The following CHCHD3 variants were observed in gnomAD, a reference collection of about 807,000 sequenced individuals.
CHCHD3 encodes the protein MICOS complex subunit MIC19.
In CHCHD3, 20 loss-of-function variants were observed where a neutral mutation model predicts 38.2. That is an observed-to-expected ratio of 0.52 (90% CI 0.37 to 0.76). The LOEUF is 0.76. CHCHD3 is among the 30% of genes least tolerant of loss of function. The pLI, the probability that CHCHD3 is intolerant of heterozygous loss-of-function variation, is 0.00. For missense variants in CHCHD3, 245 were observed against 279.2 expected (o/e 0.88, Z 0.87); for synonymous variants, 82 against 100.0 (o/e 0.82, Z 1.07).
chr7:132,887,196 A>T (rs1809239803), intron 4 of CHCHD3, among the ~76,000 whole-genome samples: 1 of 151,980 alleles, frequency 6.6e-6, no homozygotes. Context: ...ATTTCAATGA[A>T]AAGTACATGC....
At chr7:132,963,960 T>C (rs974917327) in intron 4 of CHCHD3, among the ~76,000 whole-genome samples, 3 of 152,252 alleles carry the variant, frequency 2.0e-5, no homozygotes, top group African/African-American at 7.2e-5. Flanking sequence ...GTTTCCTTTT[T>C]TGTTTGTTTA....
At chr7:132,979,429 C>T (rs1287891730) in intron 3 of CHCHD3, among the ~76,000 whole-genome samples, 1 of 152,188 alleles carries the variant, frequency 6.6e-6, no homozygotes, top group East Asian at 1.9e-4. Flanking sequence ...GCAAGAGACA[C>T]AGTCCCTACT....
chr7:132,960,821 A>G (rs747208966), intron 4 of CHCHD3, among the ~76,000 whole-genome samples: 2 of 152,086 alleles, frequency 1.3e-5, no homozygotes, highest in South Asian at 4.1e-4. Flanking sequence ...TACTAAAAAT[A>G]CAAAAAATTC....
rs148116936 is a variant in CHCHD3, at chr7:132,990,081, A to C, written c.252-14795T>G. 5.7e-3 allele frequency among the ~76,000 whole-genome samples: 860 copies of C among 152,128 alleles called. 5 individuals carry two copies. Among genetic ancestry groups the C allele is most frequent in the African/African-American group, 0.02 (821 of 41,470 alleles). On this transcript the variant is annotated intron_variant, in intron 3 of 7. Transcript: ENST00000262570. ...CCAGCTACTGGAGAGGCTGAGGCAGAAGAATCTCTTGAACCCAGGAGGCAG... is the reference window on the plus strand; with the variant it reads ...CCAGCTACTGGAGAGGCTGAGGCAGCAGAATCTCTTGAACCCAGGAGGCAG...
chr7:133,011,843 T>C (rs1419302253), intron 3 of CHCHD3, among the ~76,000 whole-genome samples: 1 of 152,262 alleles, frequency 6.6e-6, no homozygotes, highest in Non-Finnish European at 1.5e-5. Context: ...CTTGAGAATC[T>C]GTCTTTACAG....
At chr7:132,932,236 C>A (rs1295012924) in intron 4 of CHCHD3, among the ~76,000 whole-genome samples, 2 of 152,112 alleles carry the variant, frequency 1.3e-5, no homozygotes. Context: ...TGAACTGCTG[C>A]TACCAGGTTA....
chr7:132,851,854 C>T (rs1385196076), intron 5 of CHCHD3, among the ~76,000 whole-genome samples: 2 of 152,160 alleles, frequency 1.3e-5, no homozygotes, highest in Admixed American at 6.6e-5. Flanking sequence ...GTGTCACATT[C>T]GTATTGCCAA....
intron 4 of CHCHD3, among the ~76,000 whole-genome samples, chr7:132,918,477 T>C (rs1199037917): frequency 6.6e-6 from 1 of 152,210 alleles, no homozygotes; most frequent in African/African-American, 2.4e-5. Context: ...TAAAAAGATA[T>C]GTATGTACTT....
intron 4 of CHCHD3, among the ~76,000 whole-genome samples, chr7:132,937,478 A>G (rs1371069679): frequency 6.6e-6 from 1 of 152,220 alleles, no homozygotes; most frequent in Non-Finnish European, 1.5e-5. Flanking sequence ...TACTGACTGC[A>G]TACAATTTTT....
chr7:132,934,850 C>T (rs1810598780), intron 4 of CHCHD3, among the ~76,000 whole-genome samples: 1 of 152,176 alleles, frequency 6.6e-6, no homozygotes, highest in South Asian at 2.1e-4. Flanking sequence ...AAAGATGAGA[C>T]TATTCTGCAT....
chr7:133,049,760 G>C (rs987268130), intron 2 of CHCHD3, among the ~76,000 whole-genome samples: 2 of 152,160 alleles, frequency 1.3e-5, no homozygotes, highest in Non-Finnish European at 2.9e-5. Flanking sequence ...TACAATTAGA[G>C]AATAATAGTG....
chr7:132,840,316 C>A (rs1323392371), intron 5 of CHCHD3, among the ~76,000 whole-genome samples: 1 of 152,214 alleles, frequency 6.6e-6, no homozygotes, highest in Non-Finnish European at 1.5e-5. Context: ...TAGTTACTCT[C>A]ACTAAAGATG....
chr7:132,972,653 C>T (rs1402903739), intron 4 of CHCHD3: 2 of 985,250 alleles, frequency 2.0e-6, no homozygotes, highest in Non-Finnish European at 2.4e-6. Flanking sequence ...CATGGCAGAC[C>T]ATGCAAATGT....
intron 5 of CHCHD3, among the ~76,000 whole-genome samples, chr7:132,878,438 TAA>T (rs1203860944): frequency 4.6e-5 from 7 of 152,220 alleles, no homozygotes; most frequent in African/African-American, 1.7e-4. Context: ...TCATCTGCCA[TAA>T]GTGAGAGACT....
At chr7:132,977,761 G>A (rs1811809249) in intron 3 of CHCHD3, among the ~76,000 whole-genome samples, 2 of 151,954 alleles carry the variant, frequency 1.3e-5, no homozygotes, top group Admixed American at 1.3e-4. Flanking sequence ...TTAAAGTACT[G>A]TTTAAAAATT....
At chr7:132,820,008 A>G (rs1034715549) in intron 6 of CHCHD3, among the ~76,000 whole-genome samples, 1 of 152,236 alleles carries the variant, frequency 6.6e-6, no homozygotes, top group African/African-American at 2.4e-5. Flanking sequence ...TGTTTGTCCC[A>G]ACTTCTATAT....
intron 3 of CHCHD3, among the ~76,000 whole-genome samples, chr7:132,986,114 G>A (rs1445862884): frequency 2.0e-5 from 3 of 150,124 alleles, no homozygotes; most frequent in Non-Finnish European, 4.4e-5. Context: ...CCCCAACCCT[G>A]TGCTCTCTGA....
intron 5 of CHCHD3, among the ~76,000 whole-genome samples, chr7:132,861,843 A>G (rs1808497766): frequency 6.6e-6 from 1 of 152,188 alleles, no homozygotes. Flanking sequence ...AAATGTATAA[A>G]TTATTATCAG....
rs112758560 is a variant in CHCHD3, at chr7:133,082,045, G to A, written c.-108C>T. The A allele has an allele frequency of 1.4e-3, 1,496 of 1,038,938 alleles. 20 individuals are homozygous for A. The African/African-American group carries it at 0.019, about 13-fold the overall frequency. 64.4% of individuals were successfully genotyped at this position (1,038,938 alleles called of 1,614,324 possible). On this transcript the variant is annotated 5_prime_UTR_variant, in exon 1 of 8. Transcript: ENST00000262570. The stretch of plus-strand genomic sequence containing the variant: ...GCCTGGATTCTTTTCCCGCACAGCG[G>A]GAGCAAGGCCACGACCCCCAGAAGC...
Sources: allele counts gnomAD v4.1 joint callset (sites outside exome capture counted in the v4.1 genomes callset), GRCh38; gene constraint gnomAD v4.1.1; transcripts MANE v1.5; gene names NCBI Gene and HGNC (gene_info 2026-07-23, HGNC 2026-07-21).